Variants in TUT7 observed in about 807,000 individuals in gnomAD.
TUT7 encodes the protein terminal uridylyl transferase 7.
TUT7 carries 33 observed loss-of-function variants against 165.9 expected under a neutral mutation model. The observed-to-expected ratio is 0.20, with a 90% CI of 0.15 to 0.27. The LOEUF (loss-of-function observed/expected upper bound fraction) is 0.27, where lower values mean the gene tolerates loss of function less well. Among genes scored for constraint, TUT7 ranks in the 10% least tolerant of loss-of-function variants. TUT7 has a pLI of 1.00. For synonymous variants in TUT7, 552 were observed against 608.1 expected (o/e 0.91, Z 1.36); for missense variants, 1,338 against 1,762.3 (o/e 0.76, Z 4.31).
Position 86,323,530 on chromosome 9 carries a change from T to G in TUT7, c.2220A>C (p.Lys740Asn). 1 of 1,614,214 alleles carries G rather than the reference T, an allele frequency of 6.2e-7. No individual in the cohort carries two copies. Among genetic ancestry groups the G allele is most frequent in the Non-Finnish European group, 8.5e-7 (1 of 1,180,028 alleles). ...TCCTTCCTGTTTCTGGATGGTATAC[T>G]TTATCACCCTTGTAATCATCAGAGT... ...DVNSDDYKGD[K>N]VYHPETGRKN... is the part of the protein sequence containing the mutation. The change falls in exon 13 of 27, where the codon AAA (lysine) becomes AAC (asparagine). Residue 740 changes from lysine to asparagine, a missense_variant. Physicochemically the swap from Lys to Asn is moderately conservative, Grantham distance 94. This residue lies in a region of TUT7 where 425 missense variants were observed against 474.9 expected (regional missense o/e 0.89). Coordinates refer to ENST00000375963, the MANE Select transcript of TUT7 (RefSeq NM_024617.4).
At chr9:86,317,127 TG>T in intron 17 of TUT7, 91 bp downstream of exon 17, 2 of 1,142,424 alleles carry the variant, frequency 1.8e-6, no homozygotes, top group Non-Finnish European at 2.6e-6. Context: ...TGGGTGGGCC[TG>T]GAACAAATAC....
At chr9:86,329,278 C>T (rs1262904994) in intron 10 of TUT7, among the ~76,000 whole-genome samples, 3 of 151,944 alleles carry the variant, frequency 2.0e-5, no homozygotes, top group African/African-American at 7.3e-5. Context: ...AATCCCAGCA[C>T]TTTGGGAGGC....
chr9:86,340,225 C>T, intron 7 of TUT7, 120 bp from the exon 8 acceptor site: 3 of 748,800 alleles, frequency 4.0e-6, no homozygotes, highest in Non-Finnish European at 6.7e-6. Flanking sequence ...AAGACCACTA[C>T]TAAATAATGC....
intron 17 of TUT7, among the ~76,000 whole-genome samples, chr9:86,313,029 A>G (rs921750156): frequency 6.6e-6 from 1 of 152,118 alleles, no homozygotes; most frequent in African/African-American, 2.4e-5. Flanking sequence ...TCACTTGTTT[A>G]TCTGCTGACC....
intron 26 of TUT7, among the ~76,000 whole-genome samples, chr9:86,293,784 C>T (rs1405488280): frequency 6.6e-6 from 1 of 152,204 alleles, no homozygotes; most frequent in Non-Finnish European, 1.5e-5. Flanking sequence ...TGTTCCTGAG[C>T]CTACCTGACA....
At chr9:86,339,421 G>A (rs1240812028) in intron 8 of TUT7, among the ~76,000 whole-genome samples, 1 of 152,164 alleles carries the variant, frequency 6.6e-6, no homozygotes, top group Non-Finnish European at 1.5e-5. Context: ...GGAAGTCTGA[G>A]GCAGGAGAAT....
chr9:86,322,638 A>G lies in TUT7; in HGVS notation c.2878-163T>C, dbSNP rs1829418879. ...ATGATCTGAGAGATGGGGACATCCTATAGTATCATTAGGAGAACATAGTGG... is the reference window on the plus strand; with the variant it reads ...ATGATCTGAGAGATGGGGACATCCTGTAGTATCATTAGGAGAACATAGTGG... On this transcript the variant is annotated intron_variant, in intron 13 of 26. Transcript: ENST00000375963. Among the ~76,000 whole-genome samples the G allele has an allele frequency of 2.0e-5, 3 of 152,226 alleles. No homozygotes were observed. In the South Asian group the frequency reaches 6.2e-4, roughly 32 times the overall value.
At chr9:86,315,339 C>T (rs1249075236) in intron 17 of TUT7, among the ~76,000 whole-genome samples, 1 of 152,146 alleles carries the variant, frequency 6.6e-6, no homozygotes, top group Non-Finnish European at 1.5e-5. Flanking sequence ...TTTTTAACAT[C>T]GTTCCTTCTT....
intron 17 of TUT7, among the ~76,000 whole-genome samples, chr9:86,312,346 A>AC (rs1261003003): frequency 6.7e-6 from 1 of 148,860 alleles, no homozygotes; most frequent in East Asian, 2.0e-4. Flanking sequence ...CTGCCTGGCA[A>AC]CCGCCCAGTC....
At position 86,323,519 on chromosome 9, in the gene TUT7, G is replaced by A. The variant is rs770466734; in HGVS notation, c.2231C>T (p.Pro744Leu). ...DDYKGDKVYH[P>L]ETGRKNEKEK... Reference sequence around the variant, plus strand: ...TTTCTCGTTTTTCCTTCCTGTTTCTGGATGGTATACTTTATCACCCTTGTA... The same window carrying A: ...TTTCTCGTTTTTCCTTCCTGTTTCTAGATGGTATACTTTATCACCCTTGTA... Residue 744 changes from proline to leucine, a missense_variant, in exon 13 of 27, where the codon CCA becomes CTA. By Grantham distance (98) the Pro-to-Leu change is moderately conservative. This residue lies in a region of TUT7 where 425 missense variants were observed against 474.9 expected (regional missense o/e 0.89). Transcript: ENST00000375963. 3.7e-6 allele frequency: 6 copies of A among 1,614,180 alleles called. No homozygotes were observed. Among genetic ancestry groups the A allele is most frequent in the East Asian group, 4.5e-5 (2 of 44,882 alleles).
Position 86,352,817 on chromosome 9 carries a change from T to A in TUT7, c.383A>T (p.Gln128Leu). 2 of 1,614,220 alleles carry A rather than the reference T, an allele frequency of 1.2e-6. No individual in the cohort carries two copies. Among genetic ancestry groups the A allele is most frequent in the African/African-American group, 1.3e-5 (1 of 75,058 alleles). ...ATTTTCTTGAAAGGAGTCTTTTCTT[T>A]GTCGGTTTATAACAGGAATTCTAGG... Reference protein sequence around the residue: ...PGPRIPVINRQRKDSFQENED... With the variant: ...PGPRIPVINRLRKDSFQENED... The change falls in exon 2 of 27, where the codon CAA (glutamine) becomes CTA (leucine). Residue 128 changes from glutamine to leucine, a missense_variant. Physicochemically the swap from Gln to Leu is moderately radical, Grantham distance 113. Transcript: ENST00000375963.
At position 86,345,788 on chromosome 9, in the gene TUT7, A is replaced by G. The variant is rs1479193349; in HGVS notation, c.703-3T>C. 3 of 1,594,772 alleles carry G rather than the reference A, an allele frequency of 1.9e-6. No homozygotes were observed. The highest frequency in any genetic ancestry group is 2.6e-6 in the Non-Finnish European group (3 of 1,165,716). On this transcript the variant is annotated splice_region_variant and splice_polypyrimidine_tract_variant and intron_variant, in intron 3 of 26. Coordinates refer to ENST00000375963, the MANE Select transcript of TUT7 (RefSeq NM_024617.4). The stretch of plus-strand genomic sequence containing the variant: ...GCTGTAGGGTAGTTTCGTGGTCGCT[A>G]TAATTTGAAGAGATTTATTTAGAGA...
intron 26 of TUT7, among the ~76,000 whole-genome samples, chr9:86,293,506 G>C (rs139217494): frequency 4.4e-4 from 67 of 152,128 alleles, no homozygotes; most frequent in African/African-American, 1.4e-3. Flanking sequence ...AAATGGTAAA[G>C]TTCAATGGTA....
rs769835060 is a variant in TUT7 at position 86,288,639 on chromosome 9, G to T, written c.*38C>A. 3 of 1,543,308 alleles carry T rather than the reference G, an allele frequency of 1.9e-6. No homozygotes were observed. The highest frequency in any genetic ancestry group is 1.8e-6 in the Non-Finnish European group (2 of 1,116,518). On this transcript the variant is annotated 3_prime_UTR_variant, in exon 27 of 27. Coordinates refer to ENST00000375963, the MANE Select transcript of TUT7 (RefSeq NM_024617.4). ...CCTAATTTTCCGAGTGAATAGGAAC[G>T]CCTGAGTGGCCATTTAGAGTGCTGC...
At chr9:86,291,623 T>C (rs1825905257) in intron 26 of TUT7, among the ~76,000 whole-genome samples, 1 of 144,320 alleles carries the variant, frequency 6.9e-6, no homozygotes, top group Non-Finnish European at 1.5e-5. Flanking sequence ...ACCAGAGTCA[T>C]ACAAATACAC....
intron 26 of TUT7, among the ~76,000 whole-genome samples, chr9:86,292,190 C>T (rs1012854097): frequency 3.9e-5 from 6 of 152,112 alleles, no homozygotes; most frequent in Non-Finnish European, 7.3e-5. Context: ...ACTGCATGCC[C>T]GTGCCACCAT....
At chr9:86,342,731 A>G (rs573248932) in intron 6 of TUT7, among the ~76,000 whole-genome samples, 1 of 152,152 alleles carries the variant, frequency 6.6e-6, no homozygotes, top group Non-Finnish European at 1.5e-5. Context: ...CAGATCATAA[A>G]TGTTTAAATA....
chr9:86,321,544 C>T (rs1427267867), intron 14 of TUT7, among the ~76,000 whole-genome samples: 3 of 152,052 alleles, frequency 2.0e-5, no homozygotes, highest in African/African-American at 7.2e-5. Context: ...GCCTGGCCAA[C>T]GTGGTGAAAC....
intron 22 of TUT7, among the ~76,000 whole-genome samples, chr9:86,308,091 G>A (rs972657741): frequency 3.3e-5 from 5 of 152,100 alleles, no homozygotes; most frequent in South Asian, 2.1e-4. Context: ...CATCAATAGC[G>A]AATGAAGATC....
Sources: gnomAD v4.1 joint callset for allele counts (sites outside exome capture counted in the v4.1 genomes callset) on GRCh38, gnomAD v4.1.1 for gene constraint, gnomAD v4.1.1 regional missense constraint, MANE v1.5 for transcripts, NCBI Gene and HGNC (gene_info 2026-07-23, HGNC 2026-07-21) for gene names.